NTF3: variants seen among roughly 807,000 people sequenced by gnomAD.
NTF3 encodes neurotrophin-3.
In NTF3, 8 loss-of-function variants were observed where a neutral mutation model predicts 26.3. The observed-to-expected ratio is 0.30, with a 90% CI of 0.18 to 0.55. The LOEUF is 0.55. NTF3 is among the 20% of genes least tolerant of loss of function. The probability of loss-of-function intolerance (pLI) is 0.93; values close to 1 mark genes in which losing one functional copy is unlikely to be tolerated. For synonymous variants in NTF3, 154 were observed against 145.5 expected, an observed-to-expected ratio of 1.06 and a Z score of -0.42; for missense variants, 276 against 352.9, an observed-to-expected ratio of 0.78 and a Z score of 1.75.
intron 1 of NTF3, 138 bp downstream of exon 1, chr12:5,432,480 C>G (rs1379594727): frequency 1.4e-5 from 14 of 1,004,452 alleles, no homozygotes; most frequent in Non-Finnish European, 2.1e-5. Context: ...CGCTCACTCA[C>G]TTTCCCGGGC....
At chr12:5,484,958 A>G (rs1940850630) in intron 1 of NTF3, among the ~76,000 whole-genome samples, 1 of 152,220 alleles carries the variant, frequency 6.6e-6, no homozygotes, top group Non-Finnish European at 1.5e-5. Context: ...TTTGTTTCTC[A>G]TCATCAGCTG....
chr12:5,468,150 T>C (rs1344018960), intron 1 of NTF3, among the ~76,000 whole-genome samples: 1 of 152,228 alleles, frequency 6.6e-6, no homozygotes, highest in East Asian at 1.9e-4. Context: ...GATTTGGTTG[T>C]GTGATTCATG....
At chr12:5,440,595 C>G (rs1352115936) in intron 1 of NTF3, among the ~76,000 whole-genome samples, 1 of 152,182 alleles carries the variant, frequency 6.6e-6, no homozygotes, top group African/African-American at 2.4e-5. Flanking sequence ...CAGGTGTGTC[C>G]CATGGTGGGG....
chr12:5,432,386 TG>T (rs1565568560), intron 1 of NTF3, 44 bp downstream of exon 1: 1 of 1,486,280 alleles, frequency 6.7e-7, no homozygotes, highest in East Asian at 2.4e-5. Context: ...GGTTTGGGGA[TG>T]GGGGTCCACG....
At chr12:5,479,971 CA>C (rs1240740817) in intron 1 of NTF3, among the ~76,000 whole-genome samples, 30 of 152,268 alleles carry the variant, frequency 2.0e-4, no homozygotes, top group African/African-American at 6.7e-4. Context: ...ATCCCTGGAG[CA>C]TCCCTGGGAG....
intron 1 of NTF3, among the ~76,000 whole-genome samples, chr12:5,453,980 G>C (rs1940406264): frequency 6.6e-6 from 1 of 152,216 alleles, no homozygotes; most frequent in South Asian, 2.1e-4. Context: ...AACAGAGTGA[G>C]GCCCTTGGGC....
At chr12:5,431,950 C>T (rs1940093512), upstream of NTF3, among the ~76,000 whole-genome samples, 1 of 145,698 alleles carries the variant, frequency 6.9e-6, no homozygotes, top group Non-Finnish European at 1.5e-5. Flanking sequence ...CCACGGGTCC[C>T]GAAGTGAGGG....
At chr12:5,458,403 T>C (rs1400828629) in intron 1 of NTF3, among the ~76,000 whole-genome samples, 1 of 152,220 alleles carries the variant, frequency 6.6e-6, no homozygotes, top group Non-Finnish European at 1.5e-5. Flanking sequence ...TTCCTTATTG[T>C]AGTTCCTGAT....
At chr12:5,479,068 C>G (rs1171383869) in intron 1 of NTF3, among the ~76,000 whole-genome samples, 1 of 152,178 alleles carries the variant, frequency 6.6e-6, no homozygotes, top group African/African-American at 2.4e-5. Context: ...ACGTGTTTTC[C>G]TTCATTATTG....
rs561975415 is a variant in NTF3 at position 5,456,759 on chromosome 12, A to G, written c.18+24417A>G. Among the ~76,000 whole-genome samples the G allele has an allele frequency of 2.6e-5, 4 of 152,288 alleles. No homozygotes were observed. The South Asian group carries it at 8.3e-4, about 32-fold the overall frequency. On this transcript the variant is annotated intron_variant, in intron 1 of 1. Transcript: ENST00000423158. This position sits in a 1 kb window ranked among gnomAD's most constrained non-coding sequence, Gnocchi z 4.4. Reference sequence around the variant, plus strand: ...GACCAAATTCTGTTTCTGGGCTCTGATATTTGCCAAGATTTTTACCAGGCT... The same window carrying G: ...GACCAAATTCTGTTTCTGGGCTCTGGTATTTGCCAAGATTTTTACCAGGCT...
chr12:5,469,291 A>T (rs1319777123), intron 1 of NTF3, among the ~76,000 whole-genome samples: 1 of 152,198 alleles, frequency 6.6e-6, no homozygotes, highest in Non-Finnish European at 1.5e-5. Context: ...AGGAGAAGTC[A>T]GACCATAATG....
At chr12:5,483,446 A>T (rs1161404956) in intron 1 of NTF3, among the ~76,000 whole-genome samples, 1 of 152,172 alleles carries the variant, frequency 6.6e-6, no homozygotes, top group South Asian at 2.1e-4. Flanking sequence ...TAGATTCCTC[A>T]TCCAGGTACT....
At chr12:5,469,417 G>A (rs753409966) in intron 1 of NTF3, among the ~76,000 whole-genome samples, 4 of 152,146 alleles carry the variant, frequency 2.6e-5, no homozygotes, top group Non-Finnish European at 5.9e-5. Context: ...GATGGCCTGT[G>A]TAGAGTCCCA....
intron 1 of NTF3, among the ~76,000 whole-genome samples, chr12:5,487,209 G>A (rs1940877454): frequency 6.6e-6 from 1 of 152,208 alleles, no homozygotes; most frequent in African/African-American, 2.4e-5. Flanking sequence ...TCCTTGGCCT[G>A]GGGAATAACT....
chr12:5,456,453 A>G lies in NTF3; in HGVS notation c.18+24111A>G, dbSNP rs1054543518. 3.9e-5 allele frequency among the ~76,000 whole-genome samples: 6 copies of G among 152,126 alleles called. No individual in the cohort carries two copies. Among genetic ancestry groups the G allele is most frequent in the Non-Finnish European group, 8.8e-5 (6 of 68,020 alleles). On this transcript the variant is annotated intron_variant, in intron 1 of 1. Coordinates refer to ENST00000423158, the MANE Select transcript of NTF3 (RefSeq NM_001102654.2). This position sits in a 1 kb window ranked among gnomAD's most constrained non-coding sequence, Gnocchi z 4.4. ...CTCAGACCCAGTTGGAACCCAGCCA[A>G]GAGTACTTAATCCATCCCCACTTGT...
At chr12:5,457,807 C>T (rs926417692) in intron 1 of NTF3, among the ~76,000 whole-genome samples, 3 of 152,276 alleles carry the variant, frequency 2.0e-5, no homozygotes, top group Non-Finnish European at 4.4e-5. Flanking sequence ...AATGGAACCA[C>T]CTGCGACTCT....
intron 1 of NTF3, among the ~76,000 whole-genome samples, chr12:5,487,295 G>A (rs1047543466): frequency 2.0e-5 from 3 of 152,176 alleles, no homozygotes; most frequent in Admixed American, 6.5e-5. Context: ...TTACGGCCTC[G>A]GGGCCAGAGG....
At chr12:5,431,805 T>C (rs1309937204), upstream of NTF3, among the ~76,000 whole-genome samples, 1 of 152,190 alleles carries the variant, frequency 6.6e-6, no homozygotes, top group Non-Finnish European at 1.5e-5. Flanking sequence ...GTTTCGTTTT[T>C]TCCTGGATCT....
At position 5,494,963 on chromosome 12, in the gene NTF3, TGTC is replaced by T. The variant is rs751248654; in HGVS notation, c.790_792del (p.Ser264del). The T allele has an allele frequency of 6.2e-7, 1 of 1,614,090 alleles. No individual in the cohort carries two copies. Among genetic ancestry groups the T allele is most frequent in the Non-Finnish European group, 8.5e-7 (1 of 1,180,018 alleles). On this transcript the variant is annotated inframe_deletion, in exon 2 of 2. Coordinates refer to ENST00000423158, the MANE Select transcript of NTF3 (RefSeq NM_001102654.2). The surrounding 1 kb of genome is among the most constrained non-coding windows in gnomAD (Gnocchi z 8.3). ...ATAGACACGTCCTGTGTGTGTGCCT[TGTC>T]GAGAAAAATCGGAAGAACATGAATT... is the stretch of plus-strand genomic sequence containing the variant.
Sources: gnomAD v4.1 joint callset for allele counts (sites outside exome capture counted in the v4.1 genomes callset) on GRCh38, gnomAD v4.1.1 for gene constraint, Gnocchi (gnomAD v3.1) non-coding constraint, MANE v1.5 for transcripts, NCBI Gene and HGNC (gene_info 2026-07-23, HGNC 2026-07-21) for gene names.